EGFR: variants seen among roughly 807,000 people sequenced by gnomAD.
The protein encoded by EGFR is avian erythroblastic leukemia viral (v-erb-b) oncogene homolog.
Under a neutral mutation model 143.0 loss-of-function variants are expected in EGFR, and 58 were observed. The observed-to-expected ratio is 0.41, with a 90% CI of 0.33 to 0.50. The LOEUF (loss-of-function observed/expected upper bound fraction) is 0.50. EGFR is among the 20% of genes least tolerant of loss of function. The pLI is 0.39. For synonymous variants in EGFR, 613 were observed against 594.4 expected, an observed-to-expected ratio of 1.03 and a Z score of -0.45; for missense variants, 1,307 against 1,579.0, an observed-to-expected ratio of 0.83 and a Z score of 2.92.
At chr7:55,073,554 G>A (rs1454841924) in intron 1 of EGFR, among the ~76,000 whole-genome samples, 1 of 152,240 alleles carries the variant, frequency 6.6e-6, no homozygotes, top group Non-Finnish European at 1.5e-5. Context: ...ATAGGGAAAT[G>A]AAGTGTGTAT....
Position 55,151,875 on chromosome 7 carries a change from AAACAACAAC to A in EGFR, c.628+531_628+539del, listed in dbSNP as rs17336556. 6.0e-5 allele frequency among the ~76,000 whole-genome samples: 9 copies of A among 151,256 alleles called. No individual in the cohort carries two copies. In the South Asian group the frequency reaches 1.1e-3, roughly 18 times the overall value. On this transcript the variant is annotated intron_variant, in intron 5 of 27. Transcript: ENST00000275493. ...GGCGACAGAGCGAGACTCCGTCTCA[AAACAACAAC>A]AACAACAACAACAACAATAAGTGAA...
chr7:55,048,172 C>T (rs922047842), intron 1 of EGFR, among the ~76,000 whole-genome samples: 1 of 152,018 alleles, frequency 6.6e-6, no homozygotes, highest in Non-Finnish European at 1.5e-5. Flanking sequence ...CTTAGACCCC[C>T]CCTCGGTTTG....
At chr7:55,203,226 CACACCACACACACATACATGT>C (rs1310501005) in intron 27 of EGFR, 7,002 of 235,084 alleles carry the variant, frequency 0.03, 470 homozygotes, top group African/African-American at 0.14. Flanking sequence ...CAAATACATA[CACACCACACACACATACATGT>C]ATACACACAT....
At chr7:55,189,617 A>T (rs1166253746) in intron 20 of EGFR, among the ~76,000 whole-genome samples, 1 of 152,184 alleles carries the variant, frequency 6.6e-6, no homozygotes, top group African/African-American at 2.4e-5. Flanking sequence ...TTTTAAATAG[A>T]GAGGGAGAAA....
intron 4 of EGFR, 60 bp from the exon 5 acceptor site, chr7:55,151,234 G>T: frequency 1.3e-6 from 2 of 1,528,172 alleles, no homozygotes; most frequent in Non-Finnish European, 9.1e-7. Flanking sequence ...GCCCGGGAAA[G>T]GGCGTCATCA....
At chr7:55,111,152 G>A (rs187873492) in intron 1 of EGFR, among the ~76,000 whole-genome samples, 6 of 152,246 alleles carry the variant, frequency 3.9e-5, no homozygotes, top group Non-Finnish European at 7.4e-5. Flanking sequence ...CGGGTATCGC[G>A]CGGTGTGTGC....
chr7:55,149,210 G>A (rs1441244094), intron 4 of EGFR, among the ~76,000 whole-genome samples: 2 of 152,160 alleles, frequency 1.3e-5, no homozygotes, highest in Admixed American at 6.5e-5. Context: ...AAAATATTGT[G>A]CAATGTCTGA....
chr7:55,118,215 G>A (rs902558014), intron 1 of EGFR, among the ~76,000 whole-genome samples: 3 of 152,134 alleles, frequency 2.0e-5, no homozygotes, highest in Non-Finnish European at 4.4e-5. Context: ...TGCAATAGGT[G>A]ACCACTGCTC....
chr7:55,130,551 C>A (rs1021463691), intron 1 of EGFR, among the ~76,000 whole-genome samples: 6 of 152,130 alleles, frequency 3.9e-5, no homozygotes, highest in Non-Finnish European at 8.8e-5. Flanking sequence ...ACTGCTACAT[C>A]CCTTCACCCA....
At chr7:55,115,760 T>A (rs1271349252) in intron 1 of EGFR, among the ~76,000 whole-genome samples, 5 of 152,172 alleles carry the variant, frequency 3.3e-5, no homozygotes, top group Admixed American at 2.6e-4. Context: ...GCCAATGCCG[T>A]CATACAGTAG....
At chr7:55,176,864 ATTTATATATAT>A (rs1786615510) in intron 19 of EGFR, among the ~76,000 whole-genome samples, 1 of 140,474 alleles carries the variant, frequency 7.1e-6, no homozygotes, top group South Asian at 2.2e-4. Flanking sequence ...ATATTTAGAG[ATTTATATATAT>A]TTTATATATA....
intron 1 of EGFR, 117 bp downstream of exon 1, chr7:55,019,482 C>T: frequency 2.0e-6 from 1 of 496,954 alleles, no homozygotes; most frequent in Non-Finnish European, 2.8e-6. Context: ...CCCGTCCTTT[C>T]CTGTTTCCTT....
intron 19 of EGFR, 110 bp from the exon 20 acceptor site, chr7:55,181,183 A>G: frequency 7.6e-7 from 1 of 1,318,772 alleles, no homozygotes; most frequent in Non-Finnish European, 1.1e-6. Flanking sequence ...ATGAGTACGT[A>G]TTTTGAAACT....
rs1794509392 is a variant in EGFR at position 55,142,383 on chromosome 7, T to C, written c.186T>C (p.Leu62=). 1 of 1,614,128 alleles carries C rather than the reference T, an allele frequency of 6.2e-7. No homozygotes were observed. The highest frequency in any genetic ancestry group is 8.5e-7 in the Non-Finnish European group (1 of 1,180,046). ...TGTTCAATAACTGTGAGGTGGTCCT[T>C]GGGAATTTGGAAATTACCTATGTGC... is the stretch of plus-strand genomic sequence containing the variant. ...QRMFNNCEVV[L]GNLEITYVQR... The change falls in exon 2 of 28, where the codon CTT becomes CTC. Residue 62 remains leucine, a synonymous_variant. Coordinates refer to ENST00000275493, the MANE Select transcript of EGFR (RefSeq NM_005228.5).
intron 5 of EGFR, 54 bp from the exon 6 acceptor site, chr7:55,152,492 G>A (rs774374179): frequency 2.2e-5 from 33 of 1,524,968 alleles, no homozygotes; most frequent in African/African-American, 4.1e-5. Flanking sequence ...ACATCCCTGG[G>A]AAATGATCCT....
chr7:55,111,369 GT>G (rs11347888), intron 1 of EGFR, among the ~76,000 whole-genome samples: 37,504 of 144,770 alleles, frequency 0.26, 5,325 homozygotes, highest in African/African-American at 0.39. Flanking sequence ...TAGACGTTTT[GT>G]TTTTTTTTTT....
At chr7:55,181,254 C>A (rs2128958114) in intron 19 of EGFR, 39 bp from the exon 20 acceptor site, 1 of 1,612,328 alleles carries the variant, frequency 6.2e-7, no homozygotes, top group Non-Finnish European at 8.5e-7. Context: ...TTCTGGCCAC[C>A]ATGCGAAGCC....
intron 1 of EGFR, among the ~76,000 whole-genome samples, chr7:55,019,595 C>G (rs1418382890): frequency 6.6e-6 from 1 of 152,074 alleles, no homozygotes; most frequent in Non-Finnish European, 1.5e-5. Context: ...CGTGGGACAC[C>G]GGGCTGCAGG....
At chr7:55,190,756 A>G (rs934630594) in intron 20 of EGFR, among the ~76,000 whole-genome samples, 2 of 152,246 alleles carry the variant, frequency 1.3e-5, no homozygotes, top group African/African-American at 2.4e-5. Context: ...CTCTTGGTGG[A>G]GAGAGAAGAG....
Sources: gnomAD v4.1 joint callset for allele counts (sites outside exome capture counted in the v4.1 genomes callset) on GRCh38, gnomAD v4.1.1 for gene constraint, MANE v1.5 for transcripts, NCBI Gene and HGNC (gene_info 2026-07-23, HGNC 2026-07-21) for gene names.